Variants in ADAMTS12 observed in about 807,000 individuals in gnomAD.
ADAMTS12 encodes ADAM metallopeptidase with thrombospondin type 1 motif 12, also known as A disintegrin and metalloproteinase with thrombospondin motifs 12.
ADAMTS12 carries 118 observed loss-of-function variants against 167.8 expected under a neutral mutation model. The observed-to-expected ratio is 0.70, with a 90% confidence interval of 0.61 to 0.82. The LOEUF (loss-of-function observed/expected upper bound fraction) is 0.82, where lower values mean the gene tolerates loss of function less well. Ranked by LOEUF, ADAMTS12 falls within the 40% of genes least tolerant of loss-of-function variation. The pLI is 0.00. For missense variants in ADAMTS12, 1,916 were observed against 1,998.8 expected, an observed-to-expected ratio of 0.96 and a Z score of 0.79; for synonymous variants, 704 against 716.9, an observed-to-expected ratio of 0.98 and a Z score of 0.29.
intron 2 of ADAMTS12, among the ~76,000 whole-genome samples, chr5:33,790,552 T>C (rs1477514013): frequency 1.8e-5 from 2 of 111,644 alleles, no homozygotes; most frequent in South Asian, 3.0e-4. Flanking sequence ...CAAGACTCCA[T>C]CTCAAAAAAA....
chr5:33,891,701 T>A (rs779954689), intron 1 of ADAMTS12, 29 bp downstream of exon 1: 1 of 1,613,022 alleles, frequency 6.2e-7, no homozygotes, highest in African/African-American at 1.3e-5. Context: ...CACCACTGTT[T>A]TAAAAAGAAA....
chr5:33,661,949 G>C lies in ADAMTS12; in HGVS notation c.1007C>G (p.Pro336Arg), dbSNP rs748617527. 6.2e-7 allele frequency: 1 copy of C among 1,613,464 alleles called. No individual in the cohort carries two copies. The highest frequency in any genetic ancestry group is 8.5e-7 in the Non-Finnish European group (1 of 1,179,614). Residue 336 changes from proline to arginine, a missense_variant, in exon 6 of 24, where the codon CCT becomes CGT. Pro to Arg is a moderately radical substitution (Grantham distance 103). Transcript: ENST00000504830. ...AAGGACAGCCACGTCGTGATGAACAGGATTGAGGTCACTCTTGGGATTGAT... is the reference window on the plus strand; with the variant it reads ...AAGGACAGCCACGTCGTGATGAACACGATTGAGGTCACTCTTGGGATTGAT... Reference protein sequence around the residue: ...KSINPKSDLNPVHHDVAVLLT... With the variant: ...KSINPKSDLNRVHHDVAVLLT...
At chr5:33,676,269 T>C (rs1482369075) in intron 5 of ADAMTS12, among the ~76,000 whole-genome samples, 2 of 152,180 alleles carry the variant, frequency 1.3e-5, no homozygotes, top group Admixed American at 1.3e-4. Context: ...CTCTCTATAA[T>C]GAGAAAATCT....
intron 1 of ADAMTS12, among the ~76,000 whole-genome samples, chr5:33,881,718 AC>A (rs199682791): frequency 0.021 from 3,129 of 148,298 alleles, 101 homozygotes; most frequent in African/African-American, 0.075. Context: ...ATGTGCCACA[AC>A]ACCTGGCTAA....
chr5:33,524,282 G>A lies in ADAMTS12; in HGVS notation c.*2906C>T, dbSNP rs1301167553. ...AAGTCTCCTGGAATATTGTTCTCTC[G>A]TGGTGTGTTTAATTACATTTTCATG... On this transcript the variant is annotated 3_prime_UTR_variant, in exon 24 of 24. Transcript: ENST00000504830. The A allele has an allele frequency of 2.6e-5, 4 of 152,108 alleles. No homozygotes were observed. The highest frequency in any genetic ancestry group is 1.9e-4 in the East Asian group (1 of 5,196). 9.4% of individuals were successfully genotyped at this position (152,108 alleles called of 1,614,324 possible).
intron 3 of ADAMTS12, among the ~76,000 whole-genome samples, chr5:33,706,049 C>T (rs921917814): frequency 6.6e-6 from 1 of 152,060 alleles, no homozygotes; most frequent in Admixed American, 6.6e-5. Flanking sequence ...CTAACCAAAG[C>T]AATCTACAGA....
Position 33,524,457 on chromosome 5 carries a change from C to T in ADAMTS12, c.*2731G>A, listed in dbSNP as rs1743715674. ...CTCTCTATTTCATAGAGATATGTAT[C>T]CAGTGTCTCCTGATACACTTCTCAG... On this transcript the variant is annotated 3_prime_UTR_variant, in exon 24 of 24. Transcript: ENST00000504830. 1 of 152,132 alleles carries T rather than the reference C, an allele frequency of 6.6e-6. No individual in the cohort carries two copies. Among genetic ancestry groups the T allele is most frequent in the Non-Finnish European group, 1.5e-5 (1 of 68,024 alleles). 9.4% of individuals were successfully genotyped at this position (152,132 alleles called of 1,614,324 possible).
chr5:33,708,297 A>G (rs1238961504), intron 3 of ADAMTS12, among the ~76,000 whole-genome samples: 1 of 152,180 alleles, frequency 6.6e-6, no homozygotes, highest in Non-Finnish European at 1.5e-5. Context: ...TCAGGAAACA[A>G]CAGACACCGG....
At chr5:33,550,844 C>G (rs1745223587) in intron 20 of ADAMTS12, among the ~76,000 whole-genome samples, 1 of 152,162 alleles carries the variant, frequency 6.6e-6, no homozygotes, top group African/African-American at 2.4e-5. Flanking sequence ...AGCACAGGGA[C>G]AGACACAGTG....
chr5:33,610,396 CAT>C (rs1362494387), intron 16 of ADAMTS12, among the ~76,000 whole-genome samples: 1 of 152,158 alleles, frequency 6.6e-6, no homozygotes, highest in Non-Finnish European at 1.5e-5. Flanking sequence ...GTTTCACAAA[CAT>C]AGAATGTCAT....
In ADAMTS12 at chr5:33,759,511, G is replaced by A. The variant is rs138440251; in HGVS notation, c.490-7963C>T. On this transcript the variant is annotated intron_variant, in intron 2 of 23. Transcript: ENST00000504830. Reference sequence around the variant, plus strand: ...GTTTTTGCTGACAAGAACTAAATAAGGCAATTCATGAAAATGACCCCAAAC... The same window carrying A: ...GTTTTTGCTGACAAGAACTAAATAAAGCAATTCATGAAAATGACCCCAAAC... Among the ~76,000 whole-genome samples the A allele has an allele frequency of 4.6e-3, 702 of 152,184 alleles. 4 individuals are homozygous for A. The highest frequency in any genetic ancestry group is 0.016 in the African/African-American group (664 of 41,520).
At chr5:33,831,176 G>A (rs949380743) in intron 2 of ADAMTS12, among the ~76,000 whole-genome samples, 1 of 152,190 alleles carries the variant, frequency 6.6e-6, no homozygotes, top group African/African-American at 2.4e-5. Flanking sequence ...TATTTACTAT[G>A]ACATTCTTTT....
rs1423488 is a variant in ADAMTS12, at chr5:33,786,772, C to T, written c.490-35224G>A. ...GCAACGTGGGATAAATATTACTCTACGAAAAACTATTTTCTGACCTTTTAT... is the reference window on the plus strand; with the variant it reads ...GCAACGTGGGATAAATATTACTCTATGAAAAACTATTTTCTGACCTTTTAT... On this transcript the variant is annotated intron_variant, in intron 2 of 23. Transcript: ENST00000504830. Among the ~76,000 whole-genome samples, 7 of 152,066 alleles carry T rather than the reference C, an allele frequency of 4.6e-5. No individual in the cohort carries two copies. The South Asian group carries it at 1.0e-3, about 23-fold the overall frequency.
chr5:33,867,033 CTATGGAAAACAG>C (rs1392967303), intron 2 of ADAMTS12, among the ~76,000 whole-genome samples: 1 of 152,060 alleles, frequency 6.6e-6, no homozygotes, highest in Non-Finnish European at 1.5e-5. Context: ...AGTAAAACCT[CTATGGAAAACAG>C]TATGGAAATT....
chr5:33,816,607 T>G (rs918853550), intron 2 of ADAMTS12, among the ~76,000 whole-genome samples: 1 of 152,216 alleles, frequency 6.6e-6, no homozygotes, highest in African/African-American at 2.4e-5. Flanking sequence ...CAAGAATTAC[T>G]ACTTAACAGT....
chr5:33,693,836 A>G (rs1742643395), intron 3 of ADAMTS12, among the ~76,000 whole-genome samples: 1 of 152,324 alleles, frequency 6.6e-6, no homozygotes, highest in African/African-American at 2.4e-5. Context: ...GGCAAGAAAA[A>G]GAAATAAAAG....
intron 13 of ADAMTS12, among the ~76,000 whole-genome samples, chr5:33,630,020 G>A (rs1739847604): frequency 6.6e-6 from 1 of 152,164 alleles, no homozygotes; most frequent in Non-Finnish European, 1.5e-5. Flanking sequence ...TTAGAAAGAT[G>A]TATAGGATCA....
intron 16 of ADAMTS12, among the ~76,000 whole-genome samples, chr5:33,605,195 G>GAATCAACCAC (rs1439435085): frequency 6.6e-6 from 1 of 152,104 alleles, no homozygotes; most frequent in Non-Finnish European, 1.5e-5. Flanking sequence ...TAGATAAATG[G>GAATCAACCAC]AATCAACCAC....
At chr5:33,802,259 C>G (rs1020867741) in intron 2 of ADAMTS12, among the ~76,000 whole-genome samples, 1 of 152,192 alleles carries the variant, frequency 6.6e-6, no homozygotes, top group African/African-American at 2.4e-5. Flanking sequence ...AAGAGAAGTT[C>G]TCCAACACTA....
Sources: gnomAD v4.1 joint callset for allele counts (sites outside exome capture counted in the v4.1 genomes callset) on GRCh38, gnomAD v4.1.1 for gene constraint, MANE v1.5 for transcripts, NCBI Gene and HGNC (gene_info 2026-07-23, HGNC 2026-07-21) for gene names.